The following TBCD variants were observed in gnomAD, a reference collection of about 807,000 sequenced individuals.
TBCD encodes the protein tubulin-specific chaperone D.
A neutral mutation model predicts 169.3 loss-of-function variants in TBCD; 105 were observed. The observed-to-expected ratio is 0.62, with a 90% CI of 0.53 to 0.73. The LOEUF (loss-of-function observed/expected upper bound fraction) is 0.73. TBCD is among the 30% of genes least tolerant of loss of function. The probability of loss-of-function intolerance (pLI) is 0.00; values close to 1 mark genes in which losing one functional copy is unlikely to be tolerated. For synonymous variants in TBCD, 700 were observed against 643.9 expected, an observed-to-expected ratio of 1.09 and a Z score of -1.32; for missense variants, 1,444 against 1,600.1, an observed-to-expected ratio of 0.90 and a Z score of 1.66.
rs1205304895 is a variant in TBCD at position 82,840,953 on chromosome 17, GGTTTTTTTTTTTTTT to G, written c.1318+26020_1318+26034del. Among the ~76,000 whole-genome samples, 14 of 70,548 alleles carry G rather than the reference GGTTTTTTTTTTTTTT, an allele frequency of 2.0e-4. 3 individuals carry two copies. Among genetic ancestry groups the G allele is most frequent in the Admixed American group, 1.5e-3 (7 of 4,670 alleles). 46.3% of individuals were successfully genotyped at this position (70,548 alleles called of 152,430 possible). ...ACGAGCTGGCCAGGACAGACAAACT[GGTTTTTTTTTTTTTT>G]TTTTTTTTTTTTTTTGAGACAGAGT... On this transcript the variant is annotated intron_variant, in intron 13 of 38. Coordinates refer to ENST00000355528, the MANE Select transcript of TBCD (RefSeq NM_005993.5).
At position 82,942,592 on chromosome 17, in the gene TBCD, T is replaced by A; in HGVS notation, c.*129T>A. 4 of 1,269,252 alleles carry A rather than the reference T, an allele frequency of 3.2e-6. No individual in the cohort carries two copies. Among genetic ancestry groups the A allele is most frequent in the Non-Finnish European group, 4.5e-6 (4 of 889,456 alleles). 78.6% of individuals were successfully genotyped at this position (1,269,252 alleles called of 1,614,324 possible). On this transcript the variant is annotated 3_prime_UTR_variant, in exon 39 of 39. Coordinates refer to ENST00000355528, the MANE Select transcript of TBCD (RefSeq NM_005993.5). ...AAGGGTAGCGCTGGCCCTTGGAGGC[T>A]GGCACTAGCTGACAGCTTTTCCTCT...
intron 22 of TBCD, among the ~76,000 whole-genome samples, chr17:82,911,230 T>G (rs1402265543): frequency 1.3e-5 from 2 of 152,340 alleles, no homozygotes; most frequent in Admixed American, 6.5e-5. Flanking sequence ...CCTGCCACTC[T>G]GTGTGGGCCA....
chr17:82,902,870 A>G (rs2059983596), intron 18 of TBCD, among the ~76,000 whole-genome samples: 1 of 152,124 alleles, frequency 6.6e-6, no homozygotes, highest in Admixed American at 6.5e-5. Context: ...CTGCCTCTGC[A>G]TGGAGCTCTG....
chr17:82,863,882 T>G (rs2056970988), intron 13 of TBCD, among the ~76,000 whole-genome samples: 1 of 152,178 alleles, frequency 6.6e-6, no homozygotes, highest in South Asian at 2.1e-4. Flanking sequence ...CCTGTCTGGT[T>G]TTCACGTGGA....
intron 13 of TBCD, among the ~76,000 whole-genome samples, chr17:82,868,210 C>T (rs1041873477): frequency 6.6e-6 from 1 of 152,144 alleles, no homozygotes. Context: ...AGAGGGCTGG[C>T]CATGGCGGGG....
intron 14 of TBCD, among the ~76,000 whole-genome samples, chr17:82,879,191 C>T (rs1437379604): frequency 1.3e-5 from 2 of 151,540 alleles, no homozygotes; most frequent in East Asian, 1.9e-4. Flanking sequence ...GTCTCACATC[C>T]TCTCGGTGGA....
At chr17:82,940,225 A>ACACACACACACACT (rs1283467836) in intron 37 of TBCD, among the ~76,000 whole-genome samples, 9 of 140,018 alleles carry the variant, frequency 6.4e-5, no homozygotes, top group African/African-American at 1.0e-4. Flanking sequence ...ACGCGCGCAC[A>ACACACACACACACT]CACACACACA....
intron 13 of TBCD, among the ~76,000 whole-genome samples, chr17:82,842,747 G>C (rs954078637): frequency 1.3e-5 from 2 of 150,406 alleles, no homozygotes; most frequent in East Asian, 1.9e-4. Context: ...TTTACCTTCA[G>C]ATTTTTGCAA....
chr17:82,918,304 A>G (rs922036), intron 23 of TBCD: 151,359 of 152,314 alleles, frequency 0.99, 75,212 homozygotes, highest in South Asian at 1. Flanking sequence ...AGAAACCTGC[A>G]TCCTTCCCAC....
chr17:82,908,502 G>A (rs74749303), intron 21 of TBCD: 42 of 383,404 alleles, frequency 1.1e-4, no homozygotes, highest in South Asian at 7.9e-4. Flanking sequence ...GAGGGATTAC[G>A]TGGTTTACTT....
intron 12 of TBCD, among the ~76,000 whole-genome samples, chr17:82,814,141 G>T (rs1423461337): frequency 6.6e-6 from 1 of 152,198 alleles, no homozygotes; most frequent in Non-Finnish European, 1.5e-5. Flanking sequence ...CAAATACTGT[G>T]AAAAATCTTG....
In TBCD at chr17:82,788,493, C is replaced by T. The variant is rs117357193; in HGVS notation, c.771+6772C>T. ...CCCTTATCGGCTGTTAGGCTCGAGT[C>T]TCCCCTTTGCAGTGCGGTTTCTTTT... On this transcript the variant is annotated intron_variant, in intron 7 of 38. Transcript: ENST00000355528. 6.6e-5 allele frequency among the ~76,000 whole-genome samples: 10 copies of T among 152,198 alleles called. 1 individual carries two copies. The East Asian group carries it at 1.9e-3, about 29-fold the overall frequency.
At chr17:82,786,962 C>T (rs1001170492) in intron 7 of TBCD, among the ~76,000 whole-genome samples, 16 of 151,850 alleles carry the variant, frequency 1.1e-4, no homozygotes, top group Middle Eastern at 3.4e-3. Flanking sequence ...CGGGACGGCT[C>T]GCTGCCCCAT....
chr17:82,834,111 A>AT (rs35521442), intron 13 of TBCD, among the ~76,000 whole-genome samples: 2 of 151,740 alleles, frequency 1.3e-5, no homozygotes, highest in Non-Finnish European at 2.9e-5. Context: ...TGCCCAGCTA[A>AT]TTTTTTTTGT....
At chr17:82,756,638 C>T (rs2143796741) in intron 2 of TBCD, among the ~76,000 whole-genome samples, 1 of 152,228 alleles carries the variant, frequency 6.6e-6, no homozygotes, top group South Asian at 2.1e-4. Flanking sequence ...CGCCACCATG[C>T]CCAGCTAATT....
chr17:82,781,543 G>T, intron 6 of TBCD, 46 bp from the exon 7 acceptor site: 1 of 1,607,866 alleles, frequency 6.2e-7, no homozygotes, highest in Non-Finnish European at 8.5e-7. Flanking sequence ...AGGCGTGGGC[G>T]AGGTCTCAGT....
intron 13 of TBCD, among the ~76,000 whole-genome samples, chr17:82,868,205 G>A (rs1322664997): frequency 6.6e-6 from 1 of 152,228 alleles, no homozygotes; most frequent in Non-Finnish European, 1.5e-5. Context: ...CAAGGAGAGG[G>A]CTGGCCATGG....
chr17:82,899,602 ATATATTTATT>A (rs1182411488), intron 17 of TBCD, among the ~76,000 whole-genome samples: 1 of 152,254 alleles, frequency 6.6e-6, no homozygotes, highest in African/African-American at 2.4e-5. Flanking sequence ...AAGCAGTTGT[ATATATTTATT>A]TAGAAATCAT....
In TBCD at chr17:82,832,467, G is replaced by A. The variant is rs756067018; in HGVS notation, c.1318+17533G>A. 2 of 1,605,450 alleles carry A rather than the reference G, an allele frequency of 1.2e-6. No individual in the cohort carries two copies. Among genetic ancestry groups the A allele is most frequent in the Non-Finnish European group, 8.5e-7 (1 of 1,178,870 alleles). ...TGAGGAGACTCATTTTCCTCCTTAT[G>A]CCTTGGACTCTGGCTGTCCAGGTGG... On this transcript the variant is annotated intron_variant, in intron 13 of 38. Coordinates refer to ENST00000355528, the MANE Select transcript of TBCD (RefSeq NM_005993.5). This position sits in a 1 kb window ranked among gnomAD's most constrained non-coding sequence, Gnocchi z 4.9.
Sources: gnomAD v4.1 joint callset for allele counts (sites outside exome capture counted in the v4.1 genomes callset) on GRCh38, gnomAD v4.1.1 for gene constraint, Gnocchi (gnomAD v3.1) non-coding constraint, MANE v1.5 for transcripts, NCBI Gene and HGNC (gene_info 2026-07-23, HGNC 2026-07-21) for gene names.